The following TMEM178B variants were observed in gnomAD, a reference collection of about 807,000 sequenced individuals.
TMEM178B encodes the protein transmembrane protein 178B.
A neutral mutation model predicts 31.0 loss-of-function variants in TMEM178B; 5 were observed. The ratio of observed to expected loss-of-function variants is 0.16; its 90% CI spans 0.08 to 0.34. The LOEUF (loss-of-function observed/expected upper bound fraction) is 0.34, where lower values mean the gene tolerates loss of function less well. TMEM178B is among the 10% of genes least tolerant of loss of function. The pLI is 1.00. For synonymous variants in TMEM178B, 164 were observed against 164.0 expected, an observed-to-expected ratio of 1.00 and a Z score of 0.00; for missense variants, 275 against 400.3, an observed-to-expected ratio of 0.69 and a Z score of 2.67.
chr7:141,220,722 C>T (rs2129189431), intron 2 of TMEM178B, among the ~76,000 whole-genome samples: 1 of 152,362 alleles, frequency 6.6e-6, no homozygotes, highest in East Asian at 1.9e-4. Context: ...GGCATTCTCT[C>T]AGCTTCTGCA....
intron 2 of TMEM178B, among the ~76,000 whole-genome samples, chr7:141,346,005 G>A (rs112462144): frequency 2.4e-4 from 36 of 151,894 alleles, no homozygotes; most frequent in Non-Finnish European, 4.3e-4. Flanking sequence ...AGGCTGAGGC[G>A]GGCGGATCAC....
At chr7:141,267,731 T>C (rs1798116031) in intron 2 of TMEM178B, among the ~76,000 whole-genome samples, 1 of 152,270 alleles carries the variant, frequency 6.6e-6, no homozygotes, top group Non-Finnish European at 1.5e-5. Flanking sequence ...GGGACATTTT[T>C]ATATTTAATT....
chr7:141,212,623 C>G lies in TMEM178B; in HGVS notation c.415C>G (p.His139Asp), dbSNP rs778793267. ...TGAGCGATGTACGTACATCAAATAC[C>G]ACTACTCCTCAGCAACCATCCCCAG... ...EIERCTYIKY[H>D]YSSATIPRNL... Residue 139 changes from histidine to aspartate, a missense_variant, in exon 2 of 4, where the codon CAC becomes GAC. Coordinates refer to ENST00000565468, the MANE Select transcript of TMEM178B (RefSeq NM_001195278.2). 6.5e-7 allele frequency: 1 copy of G among 1,536,018 alleles called. No individual in the cohort carries two copies. Among genetic ancestry groups the G allele is most frequent in the Admixed American group, 2.0e-5 (1 of 50,988 alleles).
intron 3 of TMEM178B, among the ~76,000 whole-genome samples, chr7:141,439,022 G>T (rs1204689973): frequency 1.3e-5 from 2 of 152,144 alleles, no homozygotes; most frequent in East Asian, 3.9e-4. Context: ...CAGGCTCTGG[G>T]TTTCTGAACA....
intron 2 of TMEM178B, among the ~76,000 whole-genome samples, chr7:141,268,463 T>G (rs1478906692): frequency 6.6e-6 from 1 of 152,222 alleles, no homozygotes; most frequent in East Asian, 1.9e-4. Flanking sequence ...AGGAAATAAT[T>G]CATCTTGTTG....
chr7:141,178,815 T>C (rs1796473166), intron 1 of TMEM178B, among the ~76,000 whole-genome samples: 1 of 152,196 alleles, frequency 6.6e-6, no homozygotes, highest in Non-Finnish European at 1.5e-5. Context: ...AGTAGTTCTT[T>C]CTGGTTATAA....
At chr7:141,077,871 G>A (rs1041538944) in intron 1 of TMEM178B, among the ~76,000 whole-genome samples, 3 of 152,174 alleles carry the variant, frequency 2.0e-5, no homozygotes, top group African/African-American at 4.8e-5. Flanking sequence ...ATCTATGAAG[G>A]GACGATTTCT....
chr7:141,257,367 G>T (rs1439437627), intron 2 of TMEM178B, among the ~76,000 whole-genome samples: 1 of 152,140 alleles, frequency 6.6e-6, no homozygotes, highest in Non-Finnish European at 1.5e-5. Context: ...AATAGCTCTT[G>T]CTGTTGAGAG....
At chr7:141,438,015 A>G (rs368054917) in intron 3 of TMEM178B, among the ~76,000 whole-genome samples, 1 of 152,210 alleles carries the variant, frequency 6.6e-6, no homozygotes, top group African/African-American at 2.4e-5. Flanking sequence ...TACGGAGATG[A>G]TCATGAGACG....
chr7:141,420,150 T>A (rs1563177853), intron 2 of TMEM178B, among the ~76,000 whole-genome samples: 1 of 151,616 alleles, frequency 6.6e-6, no homozygotes, highest in Non-Finnish European at 1.5e-5. Context: ...TTACAGCTCA[T>A]CCCCCAACCT....
chr7:141,081,162 C>A (rs983026648), intron 1 of TMEM178B, among the ~76,000 whole-genome samples: 2 of 152,090 alleles, frequency 1.3e-5, no homozygotes, highest in Admixed American at 6.5e-5. Context: ...TGCACCATTG[C>A]CCCTGAAGAC....
intron 2 of TMEM178B, among the ~76,000 whole-genome samples, chr7:141,397,389 G>A (rs1172240579): frequency 5.3e-5 from 8 of 152,146 alleles, no homozygotes; most frequent in East Asian, 3.9e-4. Context: ...CAGGAGTAAC[G>A]TCACTTCCCT....
chr7:141,214,248 T>TG (rs1393425623), intron 2 of TMEM178B, among the ~76,000 whole-genome samples: 1 of 152,206 alleles, frequency 6.6e-6, no homozygotes, highest in African/African-American at 2.4e-5. Context: ...ACTTAAGTTA[T>TG]GGGGGTCGTA....
intron 2 of TMEM178B, among the ~76,000 whole-genome samples, chr7:141,259,828 G>T (rs1021367796): frequency 1.3e-5 from 2 of 152,122 alleles, no homozygotes; most frequent in African/African-American, 2.4e-5. Flanking sequence ...ATCTATGGAT[G>T]GATTGGGACA....
intron 2 of TMEM178B, among the ~76,000 whole-genome samples, chr7:141,435,942 C>G (rs2116678486): frequency 6.6e-6 from 1 of 152,274 alleles, no homozygotes; most frequent in South Asian, 2.1e-4. Flanking sequence ...CCTCCTTCCT[C>G]TGTAGGCCCC....
At chr7:141,462,804 G>T (rs192715248) in intron 3 of TMEM178B, among the ~76,000 whole-genome samples, 40 of 152,040 alleles carry the variant, frequency 2.6e-4, no homozygotes, top group Admixed American at 5.9e-4. Flanking sequence ...AGGGGTCCTG[G>T]GGGAGCAGCA....
At chr7:141,264,009 G>A (rs1798056585) in intron 2 of TMEM178B, among the ~76,000 whole-genome samples, 1 of 152,200 alleles carries the variant, frequency 6.6e-6, no homozygotes, top group South Asian at 2.1e-4. Context: ...GAGTCATGGA[G>A]AGTGGTACTT....
intron 1 of TMEM178B, among the ~76,000 whole-genome samples, chr7:141,148,347 G>A (rs2129180154): frequency 6.6e-6 from 1 of 152,318 alleles, no homozygotes; most frequent in East Asian, 1.9e-4. Context: ...CGATTAGGAT[G>A]TGAACATCTT....
chr7:141,443,695 C>T (rs1295529910), intron 3 of TMEM178B, among the ~76,000 whole-genome samples: 4 of 152,200 alleles, frequency 2.6e-5, no homozygotes, highest in Non-Finnish European at 1.5e-5. Context: ...GGAAGGAAGT[C>T]ACCACATGCA....
Sources: allele counts gnomAD v4.1 joint callset (sites outside exome capture counted in the v4.1 genomes callset), GRCh38; gene constraint gnomAD v4.1.1; transcripts MANE v1.5; gene names NCBI Gene and HGNC (gene_info 2026-07-23, HGNC 2026-07-21).